The following LAMA2 variants were observed in gnomAD, a reference collection of about 807,000 sequenced individuals.
The protein encoded by LAMA2 is laminin subunit alpha-2.
LAMA2 carries 269 observed loss-of-function variants against 364.8 expected under a neutral mutation model. The ratio of observed to expected loss-of-function variants is 0.74; its 90% confidence interval spans 0.67 to 0.82. LAMA2 has a LOEUF of 0.82. LAMA2 is among the 40% of genes least tolerant of loss of function. LAMA2 has a pLI of 0.00. For synonymous variants in LAMA2, 1,379 were observed against 1,370.6 expected (o/e 1.01, Z -0.14); for missense variants, 3,807 against 3,873.2 (o/e 0.98, Z 0.45).
At chr6:128,943,967 C>T (rs115541232) in intron 1 of LAMA2, among the ~76,000 whole-genome samples, 265 of 152,210 alleles carry the variant, frequency 1.7e-3, no homozygotes, top group African/African-American at 6.0e-3. Context: ...TAGAGTGATA[C>T]GTCTGTTATG....
chr6:129,269,343 C>A (rs1286294356), intron 16 of LAMA2, among the ~76,000 whole-genome samples: 1 of 148,244 alleles, frequency 6.7e-6, no homozygotes, highest in Non-Finnish European at 1.5e-5. Context: ...AATAACCAAT[C>A]CATCAGAGTG....
At chr6:129,022,970 CCATT>C (rs1785539368) in intron 1 of LAMA2, among the ~76,000 whole-genome samples, 1 of 152,124 alleles carries the variant, frequency 6.6e-6, no homozygotes, top group African/African-American at 2.4e-5. Context: ...CCCACTCCAT[CCATT>C]GTCTTTTTTC....
chr6:129,507,885 C>T (rs960511992), intron 62 of LAMA2, among the ~76,000 whole-genome samples: 7 of 152,232 alleles, frequency 4.6e-5, no homozygotes, highest in African/African-American at 9.6e-5. Flanking sequence ...ATCTCCTTCA[C>T]TGGAGGTTAA....
intron 1 of LAMA2, among the ~76,000 whole-genome samples, chr6:128,909,339 A>T (rs1777725516): frequency 6.6e-6 from 1 of 151,964 alleles, no homozygotes; most frequent in Non-Finnish European, 1.5e-5. Context: ...GTGCGTATAT[A>T]TTTAGGTTAG....
At chr6:129,241,989 G>C (rs796304345) in intron 12 of LAMA2, among the ~76,000 whole-genome samples, 19 of 152,126 alleles carry the variant, frequency 1.2e-4, no homozygotes, top group African/African-American at 4.6e-4. Context: ...TCTGGCTTCT[G>C]CTTTTCTGGG....
intron 1 of LAMA2, among the ~76,000 whole-genome samples, chr6:128,889,154 A>G (rs2114377780): frequency 6.6e-6 from 1 of 152,364 alleles, no homozygotes; most frequent in East Asian, 1.9e-4. Flanking sequence ...TAGAAATATG[A>G]CAGATTTTTA....
chr6:129,119,031 C>T (rs904594173), intron 4 of LAMA2, among the ~76,000 whole-genome samples: 2 of 152,172 alleles, frequency 1.3e-5, no homozygotes, highest in Non-Finnish European at 2.9e-5. Context: ...TTGGGATCAG[C>T]GGTCCAAAGA....
intron 2 of LAMA2, among the ~76,000 whole-genome samples, chr6:129,052,363 C>G (rs891263416): frequency 8.0e-5 from 12 of 149,706 alleles, no homozygotes; most frequent in African/African-American, 1.2e-4. Flanking sequence ...TTAGCTAGCA[C>G]GGTCTCAATC....
At chr6:129,360,598 T>C (rs746828381) in intron 32 of LAMA2, among the ~76,000 whole-genome samples, 2 of 152,210 alleles carry the variant, frequency 1.3e-5, no homozygotes, top group African/African-American at 2.4e-5. Context: ...CTTTCACTTA[T>C]GGAAATGTGC....
intron 1 of LAMA2, among the ~76,000 whole-genome samples, chr6:128,913,954 G>A (rs1202933530): frequency 6.6e-6 from 1 of 151,796 alleles, no homozygotes; most frequent in Non-Finnish European, 1.5e-5. Context: ...TTCTGCTGTG[G>A]GTATAAGCAC....
intron 29 of LAMA2, among the ~76,000 whole-genome samples, chr6:129,334,332 G>C (rs1003132753): frequency 3.3e-5 from 5 of 152,094 alleles, no homozygotes; most frequent in Non-Finnish European, 7.4e-5. Flanking sequence ...ACCTGAATGA[G>C]GTCTTAGTTT....
chr6:129,073,662 C>T (rs890490855), intron 3 of LAMA2, among the ~76,000 whole-genome samples: 1 of 152,104 alleles, frequency 6.6e-6, no homozygotes, highest in African/African-American at 2.4e-5. Context: ...TCTTCTATTA[C>T]ATACATTTAC....
intron 4 of LAMA2, among the ~76,000 whole-genome samples, chr6:129,134,686 C>T (rs1777680684): frequency 2.0e-5 from 3 of 152,152 alleles, no homozygotes; most frequent in South Asian, 4.1e-4. Context: ...GGCTTGTGCT[C>T]CTTTGAGAAC....
chr6:129,244,806 C>G (rs999518577), intron 12 of LAMA2, among the ~76,000 whole-genome samples: 1 of 152,146 alleles, frequency 6.6e-6, no homozygotes, highest in Non-Finnish European at 1.5e-5. Context: ...TACCTTTTAG[C>G]CTTCTCCAGT....
At chr6:129,402,082 A>C (rs1780007277) in intron 38 of LAMA2, among the ~76,000 whole-genome samples, 1 of 151,710 alleles carries the variant, frequency 6.6e-6, no homozygotes, top group Non-Finnish European at 1.5e-5. Context: ...GGTGGTGGGC[A>C]CCTGTAATCC....
Position 129,285,432 on chromosome 6 carries a change from T to C in LAMA2, c.2538-2415T>C, listed in dbSNP as rs115689459. ...TTCTATTTAATTATAGTTATTTTCC[T>C]CCTGAAATGAGTTTTTTTATTATGG... On this transcript the variant is annotated intron_variant, in intron 18 of 64. Coordinates refer to ENST00000421865, the MANE Select transcript of LAMA2 (RefSeq NM_000426.4). Among the ~76,000 whole-genome samples the C allele has an allele frequency of 2.2e-3, 335 of 152,264 alleles. 2 individuals carry two copies. Among genetic ancestry groups the C allele is most frequent in the Middle Eastern group, 6.8e-3 (2 of 294 alleles).
At chr6:129,074,938 G>A (rs1773534935) in intron 3 of LAMA2, among the ~76,000 whole-genome samples, 1 of 152,090 alleles carries the variant, frequency 6.6e-6, no homozygotes, top group South Asian at 2.1e-4. Flanking sequence ...TTAACAATAT[G>A]CGTTTGAAAA....
chr6:129,059,628 G>A (rs1389282081), intron 2 of LAMA2, among the ~76,000 whole-genome samples, 156 bp from the exon 3 acceptor site: 4 of 152,100 alleles, frequency 2.6e-5, no homozygotes, highest in African/African-American at 9.7e-5. Context: ...AAGAAATTCT[G>A]TTGAGAATCT....
chr6:128,922,113 G>T (rs1453866084), intron 1 of LAMA2, among the ~76,000 whole-genome samples: 4 of 152,142 alleles, frequency 2.6e-5, no homozygotes, highest in East Asian at 3.9e-4. Flanking sequence ...ATCTTTGTTG[G>T]ACATTTGGGT....
Sources: allele counts gnomAD v4.1 joint callset (sites outside exome capture counted in the v4.1 genomes callset), GRCh38; gene constraint gnomAD v4.1.1; transcripts MANE v1.5; gene names NCBI Gene and HGNC (gene_info 2026-07-23, HGNC 2026-07-21).